The following FN1 variants were observed in gnomAD, a reference collection of about 807,000 sequenced individuals.
The protein encoded by FN1 is fibronectin.
A neutral mutation model predicts 297.3 loss-of-function variants in FN1; 106 were observed. The observed-to-expected ratio is 0.36, with a 90% CI of 0.30 to 0.42. The LOEUF is 0.42. FN1 is among the 10% of genes least tolerant of loss of function. The pLI is 1.00. For missense variants in FN1, 2,690 were observed against 3,124.9 expected (o/e 0.86, Z 3.32); for synonymous variants, 1,149 against 1,152.6 (o/e 1.00, Z 0.06).
At chr2:215,383,544 A>T in intron 30 of FN1, 61 bp from the exon 31 acceptor site, 1 of 1,541,860 alleles carries the variant, frequency 6.5e-7, no homozygotes, top group East Asian at 2.2e-5. Flanking sequence ...AGATTGGACA[A>T]GTCCTCCTCT....
At chr2:215,427,411 T>C (rs1439229691) in intron 6 of FN1, among the ~76,000 whole-genome samples, 1 of 152,204 alleles carries the variant, frequency 6.6e-6, no homozygotes, top group African/African-American at 2.4e-5. Flanking sequence ...TTAAAAATAA[T>C]GAGAGGAGTG....
chr2:215,409,459 A>G, intron 15 of FN1, 104 bp downstream of exon 15: 3 of 1,061,022 alleles, frequency 2.8e-6, no homozygotes, highest in Non-Finnish European at 4.4e-6. Context: ...GCTGTCAACC[A>G]GTTCCAAACC....
Position 215,362,065 on chromosome 2 carries a change from G to T in FN1, c.7266C>A (p.Asp2422Glu), listed in dbSNP as rs150636748. The change falls in exon 45 of 46, where the codon GAC becomes GAA. Residue 2422 changes from aspartate (D) to glutamate (E), a missense_variant. Asp to Glu is a conservative substitution (Grantham distance 45, BLOSUM62 2). Transcript: ENST00000354785. The stretch of plus-strand genomic sequence containing the variant: ...GTTCACCCCCAGGTCTGCGGCAGTT[G>T]TCACAGCGCCAGCCCTGAGAGAGTA... ...CFGGQRGWRCDNCRRPGGEPS... is the reference protein window; with the variant it reads ...CFGGQRGWRCENCRRPGGEPS... The T allele has an allele frequency of 1.2e-5, 19 of 1,613,814 alleles. No homozygotes were observed. Among genetic ancestry groups the T allele is most frequent in the Non-Finnish European group, 1.5e-5 (18 of 1,179,858 alleles).
At chr2:215,382,436 C>A (rs1336080266) in intron 31 of FN1, 111 bp from the exon 32 acceptor site, 3 of 714,408 alleles carry the variant, frequency 4.2e-6, no homozygotes, top group Non-Finnish European at 7.6e-6. Context: ...TTTTTATTTG[C>A]AGAATTGTAA....
Position 215,433,360 on chromosome 2 carries a change from C to T in FN1, c.379G>A (p.Gly127Arg), listed in dbSNP as rs1403824980. The T allele has an allele frequency of 1.9e-6, 3 of 1,614,196 alleles. No homozygotes were observed. Among genetic ancestry groups the T allele is most frequent in the South Asian group, 1.1e-5 (1 of 91,086 alleles). ...DSMIWDCTCI[G>R]AGRGRISCTI... is the part of the protein sequence containing the mutation. ...CAGCTTATTCTCCCTCGCCCAGCCC[C>T]GATGCAGGTACAGTCCCAGATCATG... The change falls in exon 3 of 46, where the codon GGG (glycine) becomes AGG (arginine). Residue 127 changes from glycine (G) to arginine (R), a missense_variant. By Grantham distance (125) the Gly-to-Arg change is moderately radical. Transcript: ENST00000354785.
At chr2:215,433,226 C>A (rs545781218) in intron 3 of FN1, 98 bp downstream of exon 3, 6 of 1,493,698 alleles carry the variant, frequency 4.0e-6, no homozygotes, top group Admixed American at 1.7e-5. Context: ...CCTCAAAGTT[C>A]GGAATATCCA....
chr2:215,386,970 A>C lies in FN1; in HGVS notation c.4343-12T>G. Reference sequence around the variant, plus strand: ...TGGGGAATCAAGACCTGTTTTTCCCACCCGGGGGAGGAAGAGAAAAAAAAA... The same window carrying C: ...TGGGGAATCAAGACCTGTTTTTCCCCCCCGGGGGAGGAAGAGAAAAAAAAA... On this transcript the variant is annotated splice_polypyrimidine_tract_variant and intron_variant, in intron 27 of 45. Coordinates refer to ENST00000354785, the MANE Select transcript of FN1 (RefSeq NM_212482.4). The C allele has an allele frequency of 1.9e-6, 3 of 1,605,780 alleles. No individual in the cohort carries two copies. Among genetic ancestry groups the C allele is most frequent in the Non-Finnish European group, 2.6e-6 (3 of 1,176,188 alleles).
intron 21 of FN1, among the ~76,000 whole-genome samples, chr2:215,398,951 G>GT (rs1407462624): frequency 2.0e-5 from 3 of 152,138 alleles, no homozygotes. Flanking sequence ...GTTTTCCCAT[G>GT]TTTTTTTGAA....
intron 42 of FN1, among the ~76,000 whole-genome samples, chr2:215,365,966 A>ATTTTTTTTTTTTTTTTTTT (rs559516647): frequency 1.7e-4 from 15 of 90,340 alleles, no homozygotes; most frequent in African/African-American, 2.4e-4. Context: ...CCACAGTGCT[A>ATTTTTTTTTTTTTTTTTTT]TTTTTTTTTT....
chr2:215,375,199 T>C lies in FN1; in HGVS notation c.6157+15A>G, dbSNP rs754590444. 2 of 1,613,494 alleles carry C rather than the reference T, an allele frequency of 1.2e-6. No individual in the cohort carries two copies. Among genetic ancestry groups the C allele is most frequent in the South Asian group, 2.2e-5 (2 of 91,062 alleles). On this transcript the variant is annotated intron_variant, in intron 38 of 45. Transcript: ENST00000354785. ...GGTAGTAAGAAGGAAAATGACAGCA[T>C]GGAAGCAGCAATACCAGTAATAGTA...
At chr2:215,409,866 A>G in intron 14 of FN1, 68 bp downstream of exon 14, 1 of 1,600,734 alleles carries the variant, frequency 6.2e-7, no homozygotes, top group Non-Finnish European at 8.6e-7. Flanking sequence ...GAAGGAAAGC[A>G]TTGCCTCAGG....
Position 215,425,278 on chromosome 2 carries a change from G to C in FN1, c.852C>G (p.Gly284=), listed in dbSNP as rs1034079304. 1 of 1,614,016 alleles carries C rather than the reference G, an allele frequency of 6.2e-7. No homozygotes were observed. Among genetic ancestry groups the C allele is most frequent in the Non-Finnish European group, 8.5e-7 (1 of 1,180,012 alleles). ...CAGCTGCACGAACATCGGTGAAGGG[G>C]CCAGATCCTAATGGCATGAAAAGGG... The part of the protein sequence containing the change: ...TSVQTTSSGS[G]PFTDVRAAVY... Residue 284 remains glycine, a synonymous_variant, in exon 7 of 46, where the codon GGC becomes GGG. Coordinates refer to ENST00000354785, the MANE Select transcript of FN1 (RefSeq NM_212482.4).
intron 12 of FN1, among the ~76,000 whole-genome samples, chr2:215,416,449 C>G (rs540935425): frequency 6.6e-6 from 1 of 152,238 alleles, no homozygotes; most frequent in South Asian, 2.1e-4. Flanking sequence ...AATGTAAACA[C>G]ATTTTTAAAG....
intron 26 of FN1, among the ~76,000 whole-genome samples, chr2:215,388,634 G>T (rs2059328138): frequency 6.6e-6 from 1 of 152,234 alleles, no homozygotes; most frequent in South Asian, 2.1e-4. Context: ...GAGGGCACAT[G>T]ATAATCCTTG....
chr2:215,414,726 A>G, intron 13 of FN1, 111 bp downstream of exon 13: 1 of 1,538,636 alleles, frequency 6.5e-7, no homozygotes. Context: ...AGTAAATGCT[A>G]TAGGAATAGT....
chr2:215,374,083 T>C (rs2056808819), intron 38 of FN1, among the ~76,000 whole-genome samples: 1 of 152,026 alleles, frequency 6.6e-6, no homozygotes, highest in Non-Finnish European at 1.5e-5. Context: ...TGAAAGAGAG[T>C]CCTGCAGATT....
At chr2:215,401,198 A>AAAGAAAGAAAGAAAG (rs1425522048) in intron 20 of FN1, among the ~76,000 whole-genome samples, 5 of 86,822 alleles carry the variant, frequency 5.8e-5, no homozygotes, top group African/African-American at 2.6e-4. Context: ...AGAAAGAAAG[A>AAAGAAAGAAAGAAAG]AAAGAAAGAA....
intron 19 of FN1, among the ~76,000 whole-genome samples, chr2:215,405,716 C>T (rs937907009): frequency 6.6e-6 from 1 of 151,988 alleles, no homozygotes; most frequent in African/African-American, 2.4e-5. Context: ...GTACTCCAGC[C>T]CTGGCGACAG....
chr2:215,392,911 CAGA>C lies in FN1; in HGVS notation c.4069+17_4069+19del, dbSNP rs764842829. The C allele has an allele frequency of 1.2e-6, 2 of 1,612,114 alleles. No homozygotes were observed. The highest frequency in any genetic ancestry group is 2.2e-5 in the South Asian group (2 of 90,982). On this transcript the variant is annotated intron_variant, in intron 25 of 45. Transcript: ENST00000354785. ...TGCAACACCATCTATGTCTCAAACG[CAGA>C]AGTTTTCAAAATTCACCCGTTTGTT...
Sources: allele counts gnomAD v4.1 joint callset (sites outside exome capture counted in the v4.1 genomes callset), GRCh38; gene constraint gnomAD v4.1.1; transcripts MANE v1.5; gene names NCBI Gene and HGNC (gene_info 2026-07-23, HGNC 2026-07-21).